Variants in ANO6 observed in about 807,000 individuals in gnomAD.
The protein encoded by ANO6 is anoctamin 6.
ANO6 carries 106 observed loss-of-function variants against 117.5 expected under a neutral mutation model. The ratio of observed to expected loss-of-function variants is 0.90; its 90% confidence interval spans 0.77 to 1.06. The LOEUF (loss-of-function observed/expected upper bound fraction) is 1.06, where lower values mean the gene tolerates loss of function less well. Ranked by LOEUF, ANO6 falls within the 50% of genes least tolerant of loss-of-function variation. The probability of loss-of-function intolerance (pLI) is 0.00; values close to 1 mark genes in which losing one functional copy is unlikely to be tolerated. For missense variants in ANO6, 955 were observed against 1,121.1 expected (o/e 0.85, Z 2.12); for synonymous variants, 367 against 385.1 (o/e 0.95, Z 0.55).
At chr12:45,404,317 C>G (rs993350514) in intron 15 of ANO6, among the ~76,000 whole-genome samples, 2 of 152,134 alleles carry the variant, frequency 1.3e-5, no homozygotes, top group African/African-American at 4.8e-5. Flanking sequence ...TCACTTAGGC[C>G]CCCTCCACTA....
intron 1 of ANO6, among the ~76,000 whole-genome samples, chr12:45,238,349 C>T (rs1295733548): frequency 6.6e-6 from 1 of 151,866 alleles, no homozygotes. Context: ...CGGGGTTTCA[C>T]CATATTGGCC....
chr12:45,384,833 G>T (rs1942254982), intron 10 of ANO6, among the ~76,000 whole-genome samples: 1 of 152,188 alleles, frequency 6.6e-6, no homozygotes, highest in South Asian at 2.1e-4. Flanking sequence ...CATTGATAGA[G>T]GCTCAACGTG....
chr12:45,348,097 A>G lies in ANO6; in HGVS notation c.415A>G (p.Ile139Val). ...GGAGGTGTTATGTACGTATGCTGAGATAATGCACATCAAATTGCCTCTGAA... is the reference window on the plus strand; with the variant it reads ...GGAGGTGTTATGTACGTATGCTGAGGTAATGCACATCAAATTGCCTCTGAA... ...PWEVLCTYAE[I>V]MHIKLPLKPN... Residue 139 changes from isoleucine (I) to valine (V), a missense_variant, in exon 5 of 20, where the codon ATA (isoleucine) becomes GTA (valine). Ile to Val is a conservative substitution (Grantham distance 29, BLOSUM62 3). Coordinates refer to ENST00000320560, the MANE Select transcript of ANO6 (RefSeq NM_001025356.3). The G allele has an allele frequency of 6.2e-7, 1 of 1,614,106 alleles. No individual in the cohort carries two copies. Among genetic ancestry groups the G allele is most frequent in the Middle Eastern group, 1.7e-4 (1 of 6,060 alleles).
chr12:45,375,370 G>T (rs1941978633), intron 9 of ANO6, among the ~76,000 whole-genome samples: 1 of 152,040 alleles, frequency 6.6e-6, no homozygotes, highest in African/African-American at 2.4e-5. Context: ...AGTTCATATG[G>T]AACCAAAAAA....
intron 1 of ANO6, among the ~76,000 whole-genome samples, chr12:45,236,289 T>C (rs1263465208): frequency 6.6e-6 from 1 of 152,170 alleles, no homozygotes; most frequent in East Asian, 1.9e-4. Context: ...CATTTAGGTT[T>C]GTTACATAGG....
intron 13 of ANO6, among the ~76,000 whole-genome samples, 181 bp from the exon 14 acceptor site, chr12:45,402,891 G>T (rs569556805): frequency 6.6e-6 from 1 of 152,128 alleles, no homozygotes; most frequent in Non-Finnish European, 1.5e-5. Flanking sequence ...TCATAACAAT[G>T]TGCAAACTTG....
chr12:45,394,965 G>C (rs968956925), intron 12 of ANO6, among the ~76,000 whole-genome samples: 1 of 152,294 alleles, frequency 6.6e-6, no homozygotes, highest in Non-Finnish European at 1.5e-5. Flanking sequence ...ACATTCAAAA[G>C]CTAGCAGAAG....
chr12:45,223,313 C>A (rs1022982881), intron 1 of ANO6, among the ~76,000 whole-genome samples: 12 of 152,124 alleles, frequency 7.9e-5, no homozygotes, highest in Non-Finnish European at 1.6e-4. Flanking sequence ...GGATCTGACA[C>A]CATCTCCAGG....
chr12:45,346,072 T>C (rs1054368056), intron 3 of ANO6, among the ~76,000 whole-genome samples: 2 of 152,104 alleles, frequency 1.3e-5, no homozygotes, highest in Non-Finnish European at 2.9e-5. Flanking sequence ...ATAATGTCAT[T>C]AATTTGTTAA....
At chr12:45,228,557 A>G (rs11182927) in intron 1 of ANO6, among the ~76,000 whole-genome samples, 17,874 of 152,066 alleles carry the variant, frequency 0.12, 1,511 homozygotes, top group East Asian at 0.3. Flanking sequence ...AGTCTTTAGA[A>G]TATCACAGGA....
intron 2 of ANO6, among the ~76,000 whole-genome samples, chr12:45,303,470 A>G (rs1939562947): frequency 6.6e-6 from 1 of 152,178 alleles, no homozygotes; most frequent in Non-Finnish European, 1.5e-5. Flanking sequence ...TTCAAGCAAC[A>G]TATCTAATCT....
intron 3 of ANO6, among the ~76,000 whole-genome samples, chr12:45,337,750 A>T (rs778609841): frequency 5.3e-4 from 81 of 152,092 alleles, no homozygotes; most frequent in Non-Finnish European, 1.1e-3. Context: ...ATTTGATAAT[A>T]TATTCTTGAA....
At chr12:45,241,345 C>T (rs1231204841) in intron 1 of ANO6, among the ~76,000 whole-genome samples, 1 of 152,206 alleles carries the variant, frequency 6.6e-6, no homozygotes, top group Non-Finnish European at 1.5e-5. Context: ...ATCAAATCAG[C>T]TATTGAAGCT....
At chr12:45,221,061 G>GC (rs1555156322) in intron 1 of ANO6, among the ~76,000 whole-genome samples, 1 of 151,690 alleles carries the variant, frequency 6.6e-6, no homozygotes, top group Non-Finnish European at 1.5e-5. Flanking sequence ...GTCGGAAGTG[G>GC]GGGGGGGCAG....
intron 6 of ANO6, 151 bp downstream of exon 6, chr12:45,348,782 T>G: frequency 1.4e-6 from 1 of 704,760 alleles, no homozygotes; most frequent in East Asian, 2.7e-5. Flanking sequence ...GGGTAAGAAC[T>G]AGGTCTTTTG....
chr12:45,260,420 C>T lies in ANO6; in HGVS notation c.71-41594C>T, dbSNP rs139433748. Among the ~76,000 whole-genome samples, 188 of 152,262 alleles carry T rather than the reference C, an allele frequency of 1.2e-3. 1 individual carries two copies. The highest frequency in any genetic ancestry group is 4.4e-3 in the African/African-American group (182 of 41,542). ...GTTGAATCTGATGCAATCTCAGACT[C>T]GATCAGCTTGCTAAACAATGTTGGC... On this transcript the variant is annotated intron_variant, in intron 1 of 19. Transcript: ENST00000320560.
intron 6 of ANO6, among the ~76,000 whole-genome samples, chr12:45,349,301 C>T (rs1941223840): frequency 6.6e-6 from 1 of 152,196 alleles, no homozygotes; most frequent in African/African-American, 2.4e-5. Context: ...AAAAAGGCAT[C>T]TGTCAGGGTT....
At chr12:45,281,157 C>T (rs1205317188) in intron 1 of ANO6, among the ~76,000 whole-genome samples, 2 of 152,150 alleles carry the variant, frequency 1.3e-5, no homozygotes, top group Admixed American at 6.5e-5. Flanking sequence ...TCTTCCTCAA[C>T]CCTACCTTAT....
chr12:45,277,121 C>T (rs1938578965), intron 1 of ANO6, among the ~76,000 whole-genome samples: 1 of 152,108 alleles, frequency 6.6e-6, no homozygotes, highest in Admixed American at 6.5e-5. Context: ...TCACCTACTC[C>T]AGCCCCCTTC....
Sources: gnomAD v4.1 joint callset for allele counts (sites outside exome capture counted in the v4.1 genomes callset) on GRCh38, gnomAD v4.1.1 for gene constraint, MANE v1.5 for transcripts, NCBI Gene and HGNC (gene_info 2026-07-23, HGNC 2026-07-21) for gene names.